The following FRAS1 variants were observed in gnomAD, a reference collection of about 807,000 sequenced individuals.
FRAS1 encodes Fraser extracellular matrix complex subunit 1.
A neutral mutation model predicts 435.2 loss-of-function variants in FRAS1; 290 were observed. The ratio of observed to expected loss-of-function variants is 0.67; its 90% CI spans 0.61 to 0.73. The LOEUF is 0.73. FRAS1 is among the 30% of genes least tolerant of loss of function. The pLI is 0.00. For missense variants in FRAS1, 4,860 were observed against 5,001.5 expected (o/e 0.97, Z 0.85); for synonymous variants, 1,800 against 1,851.0 (o/e 0.97, Z 0.71).
At chr4:78,391,509 C>G (rs1732440777) in intron 29 of FRAS1, among the ~76,000 whole-genome samples, 1 of 152,162 alleles carries the variant, frequency 6.6e-6, no homozygotes, top group Non-Finnish European at 1.5e-5. Context: ...AGGGGAAAAT[C>G]ATACTTACTG....
chr4:78,305,929 C>A (rs959137877), intron 14 of FRAS1, among the ~76,000 whole-genome samples: 1 of 151,242 alleles, frequency 6.6e-6, no homozygotes, highest in Non-Finnish European at 1.5e-5. Flanking sequence ...TTATTTTGCT[C>A]ATTAGTTGAT....
At chr4:78,180,253 A>G (rs1721941490) in intron 2 of FRAS1, among the ~76,000 whole-genome samples, 2 of 152,190 alleles carry the variant, frequency 1.3e-5, no homozygotes, top group Non-Finnish European at 2.9e-5. Context: ...ATTTCTGTAT[A>G]TAAAGATTTA....
intron 18 of FRAS1, chr4:78,319,459 G>A (rs1205849255): frequency 2.2e-6 from 1 of 456,588 alleles, no homozygotes; most frequent in South Asian, 1.5e-5. Flanking sequence ...TAAATAATTT[G>A]ACTCAATAGC....
At chr4:78,398,017 G>C (rs925328392) in intron 29 of FRAS1, among the ~76,000 whole-genome samples, 16 of 151,998 alleles carry the variant, frequency 1.1e-4, no homozygotes, top group African/African-American at 3.9e-4. Context: ...TAGACCCCAG[G>C]CTTCTGTGAA....
At chr4:78,461,483 G>A (rs917946347) in intron 47 of FRAS1, among the ~76,000 whole-genome samples, 2 of 152,092 alleles carry the variant, frequency 1.3e-5, no homozygotes, top group Middle Eastern at 6.8e-3. Context: ...ACAAAATGGG[G>A]GTAACATGCT....
At chr4:78,233,298 G>C (rs565820447) in intron 2 of FRAS1, among the ~76,000 whole-genome samples, 17 of 152,348 alleles carry the variant, frequency 1.1e-4, no homozygotes, top group African/African-American at 4.1e-4. Flanking sequence ...GATTATACCA[G>C]CTTAGTGAGA....
intron 2 of FRAS1, chr4:78,072,029 T>C (rs1740379104): frequency 6.7e-6 from 1 of 149,884 alleles, no homozygotes; most frequent in South Asian, 2.1e-4. Flanking sequence ...TTTTCTTTTT[T>C]GTTGTCGTGG....
At chr4:78,128,068 C>A (rs1371455207) in intron 2 of FRAS1, among the ~76,000 whole-genome samples, 1 of 152,064 alleles carries the variant, frequency 6.6e-6, no homozygotes, top group East Asian at 1.9e-4. Context: ...CATGTCCCTA[C>A]AAAGGACATG....
At position 78,421,868 on chromosome 4, in the gene FRAS1, A is replaced by G. The variant is rs768922766; in HGVS notation, c.4546A>G (p.Ile1516Val). ...GCCAAATCTCTTCCTCCCAGGTATC[A>G]TCGAGCACCGGGACCACCCTCACTC... ...TLPLHPNQGI[I>V]EHRDHPHSPI... Residue 1516 changes from isoleucine (I) to valine (V), a missense_variant, in exon 34 of 74, where the codon ATC becomes GTC. Coordinates refer to ENST00000512123, the MANE Select transcript of FRAS1 (RefSeq NM_025074.7). The G allele has an allele frequency of 3.1e-6, 5 of 1,613,868 alleles. No individual in the cohort carries two copies. In the East Asian group the frequency reaches 8.9e-5, roughly 29 times the overall value.
intron 72 of FRAS1, among the ~76,000 whole-genome samples, chr4:78,537,785 A>AT (rs1721928905): frequency 6.6e-6 from 1 of 152,236 alleles, no homozygotes; most frequent in African/African-American, 2.4e-5. Context: ...TCTACAAAAA[A>AT]ATATTTGAAA....
chr4:78,095,967 C>T (rs1462797120), intron 2 of FRAS1, among the ~76,000 whole-genome samples: 2 of 152,144 alleles, frequency 1.3e-5, no homozygotes, highest in East Asian at 1.9e-4. Flanking sequence ...AACATTAACC[C>T]AAAAGTCCAC....
At chr4:78,258,375 ATTGGTAAG>A (rs1725894275) in intron 6 of FRAS1, among the ~76,000 whole-genome samples, 1 of 150,842 alleles carries the variant, frequency 6.6e-6, no homozygotes, top group Admixed American at 6.6e-5. Context: ...AAGATAAATG[ATTGGTAAG>A]TCTTCTGAGC....
chr4:78,179,480 T>C (rs1352296256), intron 2 of FRAS1, among the ~76,000 whole-genome samples: 1 of 152,210 alleles, frequency 6.6e-6, no homozygotes, highest in African/African-American at 2.4e-5. Flanking sequence ...TCATTAAAAA[T>C]GTGAGTTGTA....
intron 70 of FRAS1, 53 bp downstream of exon 70, chr4:78,526,710 C>A (rs1314624428): frequency 1.8e-6 from 2 of 1,120,704 alleles, no homozygotes; most frequent in Non-Finnish European, 2.5e-6. Flanking sequence ...TTTGTGAATT[C>A]TCCTACTCAC....
Position 78,374,238 on chromosome 4 carries a change from G to A in FRAS1, c.3138G>A (p.Lys1046=). 4 of 1,588,718 alleles carry A rather than the reference G, an allele frequency of 2.5e-6. No individual in the cohort carries two copies. Among genetic ancestry groups the A allele is most frequent in the Non-Finnish European group, 3.4e-6 (4 of 1,163,386 alleles). Residue 1046 remains lysine (K), a synonymous_variant, in exon 25 of 74, where the codon AAG becomes AAA. Transcript: ENST00000512123. ...AGGGGTACTTTGCAGATCATGCAAA[G>A]CACAAATGCACAGGTAACTTGGAGA... ...CGKGYFADHA[K]HKCTACPQGC...
intron 2 of FRAS1, among the ~76,000 whole-genome samples, chr4:78,229,115 A>G (rs150096051): frequency 4.6e-5 from 7 of 152,280 alleles, no homozygotes; most frequent in African/African-American, 1.7e-4. Context: ...TTGAAATCAG[A>G]TGGACACTGG....
At chr4:78,428,653 T>A (rs11737586) in intron 35 of FRAS1, among the ~76,000 whole-genome samples, 95,792 of 152,108 alleles carry the variant, frequency 0.63, 31,316 homozygotes, top group African/African-American at 0.79. Flanking sequence ...AGACATAGAC[T>A]TGCCACTTCT....
Position 78,392,687 on chromosome 4 carries a change from A to G in FRAS1, c.3975+4986A>G, listed in dbSNP as rs189918205. Among the ~76,000 whole-genome samples the G allele has an allele frequency of 2.6e-5, 4 of 151,928 alleles. No individual in the cohort carries two copies. The East Asian group carries it at 7.7e-4, about 29-fold the overall frequency. On this transcript the variant is annotated intron_variant, in intron 29 of 73. Coordinates refer to ENST00000512123, the MANE Select transcript of FRAS1 (RefSeq NM_025074.7). ...CCCCAGTTTTACTTTTTGGGATTTT[A>G]TTGCCTGCTAATGTGGTCCTCTGGA...
chr4:78,194,394 C>T (rs1288517778), intron 2 of FRAS1, among the ~76,000 whole-genome samples: 1 of 152,228 alleles, frequency 6.6e-6, no homozygotes, highest in East Asian at 1.9e-4. Flanking sequence ...TTCTCCCCGT[C>T]ACTTTCAGGT....
Sources: gnomAD v4.1 joint callset for allele counts (sites outside exome capture counted in the v4.1 genomes callset) on GRCh38, gnomAD v4.1.1 for gene constraint, MANE v1.5 for transcripts, NCBI Gene and HGNC (gene_info 2026-07-23, HGNC 2026-07-21) for gene names.